The following LOC128092253 variants were observed in gnomAD, a reference collection of about 807,000 sequenced individuals.
At chr6:133,956,887 G>C in the LOC128092253 span, among the ~76,000 whole-genome samples, 8 of 152,206 alleles carry the variant, frequency 5.3e-5, no homozygotes, top group African/African-American at 1.7e-4. Flanking sequence ...ATTTCAAAAG[G>C]ATGAGAGACT....
At chr6:133,965,579 T>A in the LOC128092253 span, among the ~76,000 whole-genome samples, 1 of 152,034 alleles carries the variant, frequency 6.6e-6, no homozygotes, top group Non-Finnish European at 1.5e-5. Context: ...TTGCTTTGAT[T>A]TGATGGTTTT....
the LOC128092253 span, among the ~76,000 whole-genome samples, chr6:133,976,097 T>G: frequency 6.6e-6 from 1 of 152,218 alleles, no homozygotes; most frequent in Non-Finnish European, 1.5e-5. Flanking sequence ...GTATATGCAT[T>G]TTCATGAATG....
At chr6:133,970,246 C>T in the LOC128092253 span, among the ~76,000 whole-genome samples, 1 of 152,210 alleles carries the variant, frequency 6.6e-6, no homozygotes, top group Non-Finnish European at 1.5e-5. Context: ...TTTCTTCACA[C>T]AGCTCACTGT....
At chr6:133,978,524 T>A in the LOC128092253 span, among the ~76,000 whole-genome samples, 3 of 152,350 alleles carry the variant, frequency 2.0e-5, no homozygotes, top group South Asian at 6.2e-4. Context: ...CTTATATATC[T>A]ATCCATCAGT....
chr6:133,977,955 C>G, the LOC128092253 span, among the ~76,000 whole-genome samples: 1 of 152,208 alleles, frequency 6.6e-6, no homozygotes, highest in Non-Finnish European at 1.5e-5. Context: ...GTAGACTTCC[C>G]AGAGGATACA....
At chr6:133,977,598 A>G in the LOC128092253 span, among the ~76,000 whole-genome samples, 3 of 152,224 alleles carry the variant, frequency 2.0e-5, no homozygotes, top group Non-Finnish European at 2.9e-5. Flanking sequence ...GTTGATTCGC[A>G]TGAAGTTTCT....
chr6:133,975,664 C>T, the LOC128092253 span, among the ~76,000 whole-genome samples: 2 of 152,088 alleles, frequency 1.3e-5, no homozygotes, highest in Non-Finnish European at 2.9e-5. Context: ...CCAGATTCAT[C>T]AATAATCTTT....
the LOC128092253 span, among the ~76,000 whole-genome samples, chr6:133,976,998 G>C: frequency 1.5e-3 from 220 of 151,460 alleles, no homozygotes; most frequent in African/African-American, 4.4e-3. Context: ...AAAAGAAATT[G>C]AGATTTGTCT....
the LOC128092253 span, among the ~76,000 whole-genome samples, chr6:133,964,089 T>G: frequency 1.3e-5 from 2 of 152,150 alleles, no homozygotes; most frequent in Non-Finnish European, 2.9e-5. Context: ...ATCACTCTTG[T>G]GTGTTCTGTG....
chr6:133,970,203 C>G, the LOC128092253 span, among the ~76,000 whole-genome samples: 13 of 152,340 alleles, frequency 8.5e-5, no homozygotes, highest in African/African-American at 2.9e-4. Flanking sequence ...AACAACTACT[C>G]TTTTTCCATT....
the LOC128092253 span, among the ~76,000 whole-genome samples, chr6:133,958,038 T>TA: frequency 2.6e-5 from 4 of 152,222 alleles, no homozygotes; most frequent in Non-Finnish European, 5.9e-5. Flanking sequence ...GGGAAGTACT[T>TA]TTTTTAAGTT....
chr6:133,958,424 AT>A, the LOC128092253 span, among the ~76,000 whole-genome samples: 1 of 152,342 alleles, frequency 6.6e-6, no homozygotes, highest in East Asian at 1.9e-4. Context: ...AGTAGCTAAA[AT>A]TGCTGCTCTG....
chr6:133,957,713 CTTAAATA>C, the LOC128092253 span, among the ~76,000 whole-genome samples: 1 of 152,178 alleles, frequency 6.6e-6, no homozygotes, highest in Non-Finnish European at 1.5e-5. Context: ...ATGGCATGGC[CTTAAATA>C]TTAAATAGCT....
the LOC128092253 span, among the ~76,000 whole-genome samples, chr6:133,959,391 A>G: frequency 6.6e-6 from 1 of 152,160 alleles, no homozygotes; most frequent in African/African-American, 2.4e-5. Flanking sequence ...TGGTATCAGT[A>G]CTATAGTCCA....
the LOC128092253 span, among the ~76,000 whole-genome samples, chr6:133,979,195 A>T: frequency 4.6e-5 from 7 of 152,122 alleles, no homozygotes; most frequent in Non-Finnish European, 8.8e-5. Flanking sequence ...TGCCTTAATC[A>T]TTTTTTTCCC....
the LOC128092253 span, among the ~76,000 whole-genome samples, chr6:133,957,574 T>C: frequency 5.9e-5 from 9 of 152,248 alleles, no homozygotes; most frequent in Non-Finnish European, 1.3e-4. Context: ...GTATTTTCAC[T>C]GTGAGACAGA....
chr6:133,967,586 A>G, the LOC128092253 span, among the ~76,000 whole-genome samples: 1 of 152,242 alleles, frequency 6.6e-6, no homozygotes, highest in African/African-American at 2.4e-5. Context: ...GCTATGTAGT[A>G]TAGCCTATTG....
the LOC128092253 span, among the ~76,000 whole-genome samples, chr6:133,978,551 G>A: frequency 6.6e-6 from 1 of 152,250 alleles, no homozygotes; most frequent in East Asian, 1.9e-4. Flanking sequence ...TGTCACCCCT[G>A]CCTCACTCCT....
the LOC128092253 span, among the ~76,000 whole-genome samples, chr6:133,958,457 A>C: frequency 6.6e-6 from 1 of 152,206 alleles, no homozygotes; most frequent in African/African-American, 2.4e-5. Context: ...CAGGTGGCTC[A>C]AGAATGACTT....
Sources: allele counts gnomAD v4.1 joint callset (sites outside exome capture counted in the v4.1 genomes callset), GRCh38; gene constraint gnomAD v4.1.1; transcripts MANE v1.5.